BRCA1: variants seen among roughly 807,000 people sequenced by gnomAD.
BRCA1 encodes the protein BRCA1 DNA repair associated.
A neutral mutation model predicts 173.7 loss-of-function variants in BRCA1; 140 were observed. The observed-to-expected ratio is 0.81, with a 90% CI of 0.70 to 0.93. The LOEUF is 0.93. Ranked by LOEUF, BRCA1 falls within the 40% of genes least tolerant of loss-of-function variation. BRCA1 has a pLI of 0.00. For missense variants in BRCA1, 1,983 were observed against 2,172.5 expected (o/e 0.91, Z 1.73); for synonymous variants, 662 against 756.0 (o/e 0.88, Z 2.04).
intron 4 of BRCA1, among the ~76,000 whole-genome samples, chr17:43,105,486 C>A (rs947551945): frequency 6.6e-6 from 1 of 152,128 alleles, no homozygotes; most frequent in African/African-American, 2.4e-5. Flanking sequence ...AGCAATCATC[C>A]CACCTCAGCC....
chr17:43,056,802 C>G (rs536146873), intron 19 of BRCA1, among the ~76,000 whole-genome samples: 12 of 152,210 alleles, frequency 7.9e-5, no homozygotes, highest in Non-Finnish European at 1.5e-4. Flanking sequence ...CAGCTAAGAT[C>G]TGAACCCGAG....
At chr17:43,062,822 C>T (rs867362572) in intron 18 of BRCA1, among the ~76,000 whole-genome samples, 10 of 152,160 alleles carry the variant, frequency 6.6e-5, no homozygotes, top group Admixed American at 1.3e-4. Flanking sequence ...ATCTCGAACT[C>T]CTGAGCTCAG....
intron 2 of BRCA1, among the ~76,000 whole-genome samples, chr17:43,121,193 G>A (rs2055548456): frequency 2.0e-5 from 3 of 151,712 alleles, no homozygotes; most frequent in Admixed American, 2.0e-4. Flanking sequence ...GGCTAACATG[G>A]TGAAACCCCG....
At chr17:43,087,524 T>C (rs2053272761) in intron 11 of BRCA1, among the ~76,000 whole-genome samples, 1 of 151,972 alleles carries the variant, frequency 6.6e-6, no homozygotes. Flanking sequence ...TAGCTGGGCA[T>C]GGTGGCACAT....
intron 21 of BRCA1, among the ~76,000 whole-genome samples, 186 bp downstream of exon 21, chr17:43,048,935 A>G (rs1488155122): frequency 6.6e-6 from 1 of 152,100 alleles, no homozygotes; most frequent in African/African-American, 2.4e-5. Flanking sequence ...CCCTCAGTAT[A>G]TTTAATATGT....
upstream of BRCA1, among the ~76,000 whole-genome samples, chr17:43,126,590 G>A (rs1207975498): frequency 2.6e-5 from 4 of 152,244 alleles, no homozygotes; most frequent in Non-Finnish European, 4.4e-5. Flanking sequence ...TTAGTGACAG[G>A]ATGAGAGAGC....
At chr17:43,099,539 G>C (rs2054279557) in intron 7 of BRCA1, among the ~76,000 whole-genome samples, 2 of 152,052 alleles carry the variant, frequency 1.3e-5, no homozygotes, top group Non-Finnish European at 2.9e-5. Context: ...CCAAAGTGCT[G>C]GGATTACAGG....
At chr17:43,068,851 C>T (rs1194328594) in intron 15 of BRCA1, among the ~76,000 whole-genome samples, 4 of 152,188 alleles carry the variant, frequency 2.6e-5, no homozygotes. Context: ...AGAAGGGGTT[C>T]ATGTTCTTCC....
intron 11 of BRCA1, among the ~76,000 whole-genome samples, chr17:43,087,363 A>G (rs375953953): frequency 3.9e-5 from 6 of 152,328 alleles, no homozygotes; most frequent in Admixed American, 2.6e-4. Context: ...GAAGTCACTT[A>G]AGAATTTTAA....
rs761636873 is a variant in BRCA1, at chr17:43,144,517, T to C, written c.-19-20402A>G. 5.1e-4 allele frequency among the ~76,000 whole-genome samples: 78 copies of C among 152,290 alleles called. 1 individual carries two copies. Among genetic ancestry groups the C allele is most frequent in the Middle Eastern group, 6.8e-3 (2 of 294 alleles). ...CTGAGGATATGTTTTTAGGTCTGGA[T>C]GACTAATTAGACTGGGAAACAAGGC... On this transcript the variant is annotated intron_variant, in intron 1 of 7. Coordinates refer to the BRCA1 transcript ENST00000634433.
intron 20 of BRCA1, chr17:43,050,290 TAA>T: frequency 2.6e-6 from 1 of 389,956 alleles, no homozygotes; most frequent in Non-Finnish European, 4.5e-6. Flanking sequence ...AACATTGTAT[TAA>T]GTGTCAAGTT....
At chr17:43,126,695 C>A (rs1597927610), upstream of BRCA1, among the ~76,000 whole-genome samples, 1 of 152,272 alleles carries the variant, frequency 6.6e-6, no homozygotes, top group Admixed American at 6.5e-5. Flanking sequence ...TAGCAGCCCT[C>A]GCTCGCTCTC....
chr17:43,106,141 G>C (rs1371479443), intron 4 of BRCA1, among the ~76,000 whole-genome samples: 2 of 149,594 alleles, frequency 1.3e-5, no homozygotes, highest in Admixed American at 6.7e-5. Context: ...AAAAAGAAAA[G>C]GAAACACAAT....
Position 43,071,725 on chromosome 17 carries a change from C to T in BRCA1, c.4676-487G>A, listed in dbSNP as rs869312518. Among the ~76,000 whole-genome samples the T allele has an allele frequency of 2.6e-4, 40 of 152,014 alleles. No homozygotes were observed. Among genetic ancestry groups the T allele is most frequent in the Non-Finnish European group, 1.8e-4 (12 of 68,034 alleles). ...ATTTTAAAAATAAAAGTTTATGGGC[C>T]GAGCACGGTGGCTCACACCTGTAAT... On this transcript the variant is annotated intron_variant, in intron 14 of 22. Transcript: ENST00000357654.
intron 12 of BRCA1, among the ~76,000 whole-genome samples, chr17:43,080,654 A>C (rs1158494422): frequency 6.6e-6 from 1 of 152,076 alleles, no homozygotes; most frequent in Non-Finnish European, 1.5e-5. Flanking sequence ...AAAATAAAAA[A>C]AAAAATTAGC....
Position 43,092,712 on chromosome 17 carries a change from T to C in BRCA1, c.2819A>G (p.Asp940Gly), listed in dbSNP as rs745954644. ...PVVGQKDKPVDNAKCSIKGGS... is the reference protein window; with the variant it reads ...PVVGQKDKPVGNAKCSIKGGS... ...TCCTTTGATACTACATTTGGCATTATCAACTGGCTTATCTTTCTGACCAAC... is the reference window on the plus strand; with the variant it reads ...TCCTTTGATACTACATTTGGCATTACCAACTGGCTTATCTTTCTGACCAAC... Residue 940 changes from aspartate (D) to glycine (G), a missense_variant, in exon 10 of 23, where the codon GAT becomes GGT. Physicochemically the swap from Asp to Gly is moderately conservative, Grantham distance 94. Transcript: ENST00000357654. The C allele has an allele frequency of 2.5e-6, 4 of 1,614,048 alleles. No individual in the cohort carries two copies. Among genetic ancestry groups the C allele is most frequent in the African/African-American group, 1.3e-5 (1 of 74,948 alleles).
At chr17:43,135,554 G>T (rs544000309) in intron 1 of BRCA1, among the ~76,000 whole-genome samples, 1 of 152,314 alleles carries the variant, frequency 6.6e-6, no homozygotes, top group South Asian at 2.1e-4. Flanking sequence ...TCTGGCCGGG[G>T]CTGTAGCCTT....
In BRCA1 at chr17:43,057,278, G is replaced by C. The variant is rs1470907443; in HGVS notation, c.5194-143C>G. The C allele has an allele frequency of 6.5e-6, 5 of 774,462 alleles. No individual in the cohort carries two copies. The Admixed American group carries it at 9.5e-5, about 15-fold the overall frequency. The allele number at this position is 774,462 out of a possible 1,614,324, so 48.0% of individuals were successfully genotyped here. Reference sequence around the variant, plus strand: ...TAATCCTAGCACTTTGGGAGACTGAGGCAGGCAGATCACTTGAGGTCAGGA... The same window carrying C: ...TAATCCTAGCACTTTGGGAGACTGACGCAGGCAGATCACTTGAGGTCAGGA... On this transcript the variant is annotated intron_variant, in intron 18 of 22. Coordinates refer to ENST00000357654, the MANE Select transcript of BRCA1 (RefSeq NM_007294.4).
At chr17:43,061,799 G>A (rs1042557529) in intron 18 of BRCA1, among the ~76,000 whole-genome samples, 1 of 152,010 alleles carries the variant, frequency 6.6e-6, no homozygotes, top group Non-Finnish European at 1.5e-5. Context: ...TGACCAGGCT[G>A]GTCTCGAACT....
Sources: gnomAD v4.1 joint callset for allele counts (sites outside exome capture counted in the v4.1 genomes callset) on GRCh38, gnomAD v4.1.1 for gene constraint, MANE v1.5 for transcripts, NCBI Gene and HGNC (gene_info 2026-07-23, HGNC 2026-07-21) for gene names.